The following C2CD3 variants were observed in gnomAD, a reference collection of about 807,000 sequenced individuals.
The protein encoded by C2CD3 is C2 domain-containing protein 3.
A neutral mutation model predicts 234.0 loss-of-function variants in C2CD3; 148 were observed. The observed-to-expected ratio is 0.63, with a 90% CI of 0.55 to 0.72. C2CD3 has a LOEUF of 0.72. Ranked by LOEUF, C2CD3 falls within the 30% of genes least tolerant of loss-of-function variation. The pLI is 0.00. For synonymous variants in C2CD3, 1,000 were observed against 1,035.4 expected (o/e 0.97, Z 0.66); for missense variants, 2,577 against 2,811.5 (o/e 0.92, Z 1.89).
chr11:74,105,614 G>A (rs776178098), intron 13 of C2CD3, among the ~76,000 whole-genome samples: 7 of 152,072 alleles, frequency 4.6e-5, no homozygotes, highest in Admixed American at 2.0e-4. Context: ...GAAGCCACAC[G>A]CTCAGATTCT....
chr11:74,124,202 C>T (rs1349686829), intron 7 of C2CD3, among the ~76,000 whole-genome samples: 1 of 152,148 alleles, frequency 6.6e-6, no homozygotes, highest in Non-Finnish European at 1.5e-5. Flanking sequence ...ATGCCAGGTA[C>T]TGTAATACAC....
Position 74,168,169 on chromosome 11 carries a change from C to G in C2CD3, c.325+175G>C, listed in dbSNP as rs771775751. On this transcript the variant is annotated intron_variant, in intron 2 of 32. Coordinates refer to ENST00000334126, the MANE Select transcript of C2CD3 (RefSeq NM_001286577.2). ...AAGTAATACATTTCAAAACTGCTGG[C>G]ACACAGTAACACTCAATAAATTTAC... The G allele has an allele frequency of 8.4e-5, 50 of 592,962 alleles. 2 individuals are homozygous for G. In the Middle Eastern group the frequency reaches 3.1e-3, roughly 37 times the overall value. 36.7% of individuals were successfully genotyped at this position (592,962 alleles called of 1,614,324 possible).
chr11:74,159,856 G>A (rs190672668), intron 3 of C2CD3, among the ~76,000 whole-genome samples: 1 of 152,184 alleles, frequency 6.6e-6, no homozygotes, highest in East Asian at 1.9e-4. Context: ...CTCACCCAGA[G>A]CAACTTCTAG....
At chr11:74,044,451 CAA>C (rs759415122) in intron 28 of C2CD3, among the ~76,000 whole-genome samples, 12 of 124,054 alleles carry the variant, frequency 9.7e-5, no homozygotes, top group Admixed American at 8.3e-5. Context: ...AAGACTGTCT[CAA>C]AAAAAAAAAA....
intron 7 of C2CD3, among the ~76,000 whole-genome samples, chr11:74,126,434 C>T (rs1957417070): frequency 1.3e-5 from 2 of 152,158 alleles, no homozygotes; most frequent in Admixed American, 6.5e-5. Context: ...ACATACCATA[C>T]AATCTTCCCA....
intron 24 of C2CD3, among the ~76,000 whole-genome samples, chr11:74,073,009 A>T (rs1565256475): frequency 6.6e-6 from 1 of 152,112 alleles, no homozygotes; most frequent in Non-Finnish European, 1.5e-5. Flanking sequence ...TGAAGAGAGG[A>T]GCTGGAAGTA....
intron 28 of C2CD3, among the ~76,000 whole-genome samples, 155 bp downstream of exon 28, chr11:74,048,050 C>T (rs774412645): frequency 1.3e-5 from 2 of 152,210 alleles, no homozygotes; most frequent in Admixed American, 6.5e-5. Context: ...TGTTTTCATA[C>T]GATCTTGGGG....
At chr11:74,168,949 T>C (rs1856977028) in intron 1 of C2CD3, among the ~76,000 whole-genome samples, 1 of 152,230 alleles carries the variant, frequency 6.6e-6, no homozygotes, top group African/African-American at 2.4e-5. Flanking sequence ...AATACAAATA[T>C]CAGAAGTAGT....
chr11:74,104,486 T>G (rs1187478017), intron 13 of C2CD3, among the ~76,000 whole-genome samples: 2 of 151,090 alleles, frequency 1.3e-5, no homozygotes, highest in African/African-American at 4.9e-5. Flanking sequence ...TACTCTCAAA[T>G]AGTTCACAAA....
intron 3 of C2CD3, among the ~76,000 whole-genome samples, chr11:74,143,909 A>G (rs1382388892): frequency 6.6e-6 from 1 of 152,158 alleles, no homozygotes; most frequent in Non-Finnish European, 1.5e-5. Context: ...AAAAATAATT[A>G]TCATTTTATT....
intron 7 of C2CD3, among the ~76,000 whole-genome samples, chr11:74,130,556 G>A (rs1017000447): frequency 6.6e-6 from 1 of 151,918 alleles, no homozygotes; most frequent in Non-Finnish European, 1.5e-5. Context: ...TTCTGCATGG[G>A]GCTATCCAGT....
chr11:74,098,951 C>T (rs1956213378), intron 15 of C2CD3, among the ~76,000 whole-genome samples: 1 of 152,110 alleles, frequency 6.6e-6, no homozygotes, highest in Non-Finnish European at 1.5e-5. Flanking sequence ...AAAAAACTTC[C>T]ATCAAAGAGT....
chr11:74,090,533 C>T (rs373908673), intron 20 of C2CD3, among the ~76,000 whole-genome samples: 6 of 152,078 alleles, frequency 3.9e-5, no homozygotes, highest in African/African-American at 1.4e-4. Flanking sequence ...TTGGGTATGG[C>T]ATGGTTTGAT....
chr11:74,109,151 C>G lies in C2CD3; in HGVS notation c.1845G>C (p.Lys615Asn), dbSNP rs758732639. The G allele has an allele frequency of 6.5e-7, 1 of 1,536,894 alleles. No homozygotes were observed. The highest frequency in any genetic ancestry group is 2.5e-5 in the East Asian group (1 of 39,462). Residue 615 changes from lysine to asparagine, a missense_variant and splice_region_variant, in exon 12 of 33, where the codon AAG becomes AAC. Coordinates refer to ENST00000334126, the MANE Select transcript of C2CD3 (RefSeq NM_001286577.2). ...RLASSKITDG[K>N]VKFQQRFVFP... The stretch of plus-strand genomic sequence containing the variant: ...ACACAAATCGCTGCTGGAACTTCAC[C>G]TCTGTAAGGAGAACCAGACACACAG...
Position 74,111,788 on chromosome 11 carries a change from AT to A in C2CD3, c.1843+1991del, listed in dbSNP as rs559394136. Among the ~76,000 whole-genome samples, 384 of 149,330 alleles carry A rather than the reference AT, an allele frequency of 2.6e-3. 3 individuals carry two copies. Among genetic ancestry groups the A allele is most frequent in the Admixed American group, 5.4e-3 (80 of 14,912 alleles). On this transcript the variant is annotated intron_variant, in intron 11 of 32. Transcript: ENST00000334126. ...TAAAACACTGTAAGATTTTTTTGCG[AT>A]TTTTTTTTTAAGCTCATCAGCTATC... is the stretch of plus-strand genomic sequence containing the variant.
chr11:74,073,897 C>G (rs1489012708), intron 24 of C2CD3, among the ~76,000 whole-genome samples: 1 of 152,100 alleles, frequency 6.6e-6, no homozygotes, highest in Non-Finnish European at 1.5e-5. Flanking sequence ...GTTTAAGGAC[C>G]CAATGTTAAA....
intron 28 of C2CD3, among the ~76,000 whole-genome samples, chr11:74,045,511 G>A (rs60759798): frequency 1.3e-5 from 2 of 151,964 alleles, no homozygotes; most frequent in East Asian, 3.8e-4. Flanking sequence ...TATTAAGTCT[G>A]TTAATCCATA....
intron 24 of C2CD3, among the ~76,000 whole-genome samples, chr11:74,067,118 C>T (rs1214424552): frequency 1.3e-5 from 2 of 152,114 alleles, no homozygotes; most frequent in Non-Finnish European, 1.5e-5. Context: ...ACTTCTAGCA[C>T]CCAGGGCACA....
chr11:74,114,426 C>CT lies in C2CD3; in HGVS notation c.1687dup (p.Ser563LysfsTer8), dbSNP rs1956856711. ...CACCTTAGGTGGTGGACCAGCATAG[C>CT]TTTTTTTGCCAGGGGTCATCTGAGG... On this transcript the variant is annotated frameshift_variant, in exon 10 of 33. Transcript: ENST00000334126. LOFTEE classifies it high-confidence loss of function. 4 of 1,613,676 alleles carry CT rather than the reference C, an allele frequency of 2.5e-6. No individual in the cohort carries two copies. Among genetic ancestry groups the CT allele is most frequent in the South Asian group, 2.2e-5 (2 of 91,068 alleles).
Sources: allele counts gnomAD v4.1 joint callset (sites outside exome capture counted in the v4.1 genomes callset), GRCh38; gene constraint gnomAD v4.1.1; transcripts MANE v1.5; gene names NCBI Gene and HGNC (gene_info 2026-07-23, HGNC 2026-07-21).